Variants in DIAPH3 observed in about 807,000 individuals in gnomAD.
DIAPH3 encodes diaphanous related formin 3.
Under a neutral mutation model 144.3 loss-of-function variants are expected in DIAPH3, and 117 were observed. The ratio of observed to expected loss-of-function variants is 0.81; its 90% CI spans 0.70 to 0.95. The LOEUF is 0.95. Ranked by LOEUF, DIAPH3 falls within the 40% of genes least tolerant of loss-of-function variation. The pLI is 0.00. For synonymous variants in DIAPH3, 519 were observed against 488.9 expected, an observed-to-expected ratio of 1.06 and a Z score of -0.81; for missense variants, 1,421 against 1,412.7, an observed-to-expected ratio of 1.01 and a Z score of -0.09.
In DIAPH3 at chr13:59,665,914, A is replaced by G. The variant is rs1298984406; in HGVS notation, c.*670T>C. ...TTACATCCACGTTACACAAAAGCACATGCATTTGGCAAAGAGAGTGCATAC... is the reference window on the plus strand; with the variant it reads ...TTACATCCACGTTACACAAAAGCACGTGCATTTGGCAAAGAGAGTGCATAC... On this transcript the variant is annotated 3_prime_UTR_variant, in exon 28 of 28. Coordinates refer to ENST00000400324, the MANE Select transcript of DIAPH3 (RefSeq NM_001042517.2). 1.3e-5 allele frequency: 2 copies of G among 152,306 alleles called. No homozygotes were observed. The highest frequency in any genetic ancestry group is 6.5e-5 in the Admixed American group (1 of 15,278). 9.4% of individuals were successfully genotyped at this position (152,306 alleles called of 1,614,324 possible). A position where few individuals can be genotyped will look rare whatever the true frequency, so the allele number is the denominator to read the frequency against.
At chr13:59,916,298 A>C in intron 18 of DIAPH3, 49 bp from the exon 19 acceptor site, 1 of 1,366,838 alleles carries the variant, frequency 7.3e-7, no homozygotes, top group Non-Finnish European at 1.0e-6. Flanking sequence ...GGTTTAAAAA[A>C]GTATTTCAGA....
intron 21 of DIAPH3, among the ~76,000 whole-genome samples, chr13:59,874,501 G>T (rs1172341047): frequency 2.0e-5 from 3 of 152,078 alleles, no homozygotes; most frequent in Non-Finnish European, 4.4e-5. Context: ...AGAGAATTTA[G>T]GAAAAATTAA....
In DIAPH3 at chr13:60,016,416, G is replaced by C. The variant is rs386809; in HGVS notation, c.627-271C>G. Among the ~76,000 whole-genome samples, 34,423 of 151,986 alleles carry C rather than the reference G, an allele frequency of 0.23. 4,075 individuals are homozygous for C. Among genetic ancestry groups the C allele is most frequent in the South Asian group, 0.27 (1,322 of 4,814 alleles). ...TGGTTCATGTTTAGGGACATCACGTGGGTAGCTTGAAATCAGCCACAGTGA... is the reference window on the plus strand; with the variant it reads ...TGGTTCATGTTTAGGGACATCACGTCGGTAGCTTGAAATCAGCCACAGTGA... On this transcript the variant is annotated intron_variant, in intron 5 of 27. Transcript: ENST00000400324.
intron 20 of DIAPH3, among the ~76,000 whole-genome samples, chr13:59,909,226 T>C (rs555925356): frequency 5.9e-5 from 9 of 152,322 alleles, no homozygotes; most frequent in East Asian, 5.8e-4. Context: ...ATTGATAATG[T>C]TGATAAACTG....
intron 15 of DIAPH3, among the ~76,000 whole-genome samples, chr13:59,972,506 T>C (rs965654425): frequency 7.9e-5 from 12 of 152,050 alleles, no homozygotes; most frequent in Admixed American, 2.0e-4. Context: ...AAATAGACCA[T>C]GTATAAAAGC....
chr13:60,105,330 A>T (rs532662354), intron 3 of DIAPH3, among the ~76,000 whole-genome samples: 116 of 152,274 alleles, frequency 7.6e-4, no homozygotes, highest in Non-Finnish European at 1.2e-3. Context: ...TTGCCTGCAC[A>T]GCTCCTAACT....
intron 24 of DIAPH3, among the ~76,000 whole-genome samples, chr13:59,811,593 T>C (rs1355487765): frequency 2.0e-5 from 3 of 151,476 alleles, no homozygotes; most frequent in African/African-American, 4.9e-5. Flanking sequence ...AAAAATTAGC[T>C]GGGTGTGGTG....
chr13:59,761,687 A>G (rs973323852), intron 27 of DIAPH3, among the ~76,000 whole-genome samples: 2 of 152,208 alleles, frequency 1.3e-5, no homozygotes, highest in Non-Finnish European at 2.9e-5. Flanking sequence ...TTAGGAGTGT[A>G]CACTGAAGAG....
chr13:59,955,079 T>C (rs963555821), intron 17 of DIAPH3, among the ~76,000 whole-genome samples: 11 of 61,252 alleles, frequency 1.8e-4, no homozygotes, highest in Admixed American at 1.3e-3. Context: ...TATATATACA[T>C]GTATATATAT....
intron 25 of DIAPH3, 81 bp from the exon 26 acceptor site, chr13:59,774,904 G>T: frequency 1.7e-6 from 2 of 1,151,316 alleles, no homozygotes; most frequent in Non-Finnish European, 2.6e-6. Context: ...AACTGGTGAT[G>T]GTGATGGTAG....
chr13:59,784,358 G>A lies in DIAPH3; in HGVS notation c.3164-9535C>T, dbSNP rs571715048. ...GGCCTCCCAAAGTGCTGGGATTACAGGTGTGAGCCACTATGCCCAGCCTAT... is the reference window on the plus strand; with the variant it reads ...GGCCTCCCAAAGTGCTGGGATTACAAGTGTGAGCCACTATGCCCAGCCTAT... On this transcript the variant is annotated intron_variant, in intron 25 of 27. Coordinates refer to ENST00000400324, the MANE Select transcript of DIAPH3 (RefSeq NM_001042517.2). Among the ~76,000 whole-genome samples the A allele has an allele frequency of 2.0e-4, 30 of 147,064 alleles. 1 individual carries two copies. Among genetic ancestry groups the A allele is most frequent in the African/African-American group, 6.3e-4 (25 of 39,764 alleles).
chr13:59,956,507 G>C (rs1020946501), intron 17 of DIAPH3, among the ~76,000 whole-genome samples: 2 of 152,258 alleles, frequency 1.3e-5, no homozygotes, highest in East Asian at 3.8e-4. Flanking sequence ...CCTCCACCTA[G>C]ATTTCAGAGG....
chr13:59,771,716 C>G (rs1359903669), intron 27 of DIAPH3, among the ~76,000 whole-genome samples: 4 of 152,064 alleles, frequency 2.6e-5, no homozygotes, highest in Admixed American at 6.6e-5. Flanking sequence ...CAAAATTTGA[C>G]TACGTGCCCT....
chr13:60,064,884 G>A (rs1055099203), intron 4 of DIAPH3, among the ~76,000 whole-genome samples: 2 of 152,042 alleles, frequency 1.3e-5, no homozygotes, highest in African/African-American at 4.8e-5. Context: ...TGAACACTTA[G>A]AAGTCATTGT....
At chr13:59,704,895 G>C (rs949767891) in intron 27 of DIAPH3, among the ~76,000 whole-genome samples, 3 of 152,122 alleles carry the variant, frequency 2.0e-5, no homozygotes, top group African/African-American at 7.2e-5. Flanking sequence ...TCTTCCTTCA[G>C]CAGAATGTAA....
intron 1 of DIAPH3, among the ~76,000 whole-genome samples, chr13:60,146,843 G>C (rs919071653): frequency 2.6e-5 from 4 of 152,236 alleles, no homozygotes; most frequent in African/African-American, 9.6e-5. Flanking sequence ...GCAGCTGATA[G>C]CCACAGGTAA....
chr13:59,807,014 T>A (rs567010418), intron 25 of DIAPH3, among the ~76,000 whole-genome samples: 1 of 151,992 alleles, frequency 6.6e-6, no homozygotes, highest in Admixed American at 6.5e-5. Context: ...ACAAAAAGCA[T>A]ATTCTACATA....
At chr13:59,920,016 T>C (rs1285501009) in intron 18 of DIAPH3, among the ~76,000 whole-genome samples, 2 of 151,846 alleles carry the variant, frequency 1.3e-5, no homozygotes, top group Non-Finnish European at 2.9e-5. Flanking sequence ...TTAGTTAGCC[T>C]CATAACCACA....
chr13:59,742,350 T>C (rs967951968), intron 27 of DIAPH3, among the ~76,000 whole-genome samples: 1 of 152,134 alleles, frequency 6.6e-6, no homozygotes, highest in African/African-American at 2.4e-5. Context: ...CATATTTTTA[T>C]GCTTAGGTTT....
Sources: gnomAD v4.1 joint callset for allele counts (sites outside exome capture counted in the v4.1 genomes callset) on GRCh38, gnomAD v4.1.1 for gene constraint, MANE v1.5 for transcripts, NCBI Gene and HGNC (gene_info 2026-07-23, HGNC 2026-07-21) for gene names.